Variants in PCDHA5 observed in about 807,000 individuals in gnomAD.
PCDHA5 encodes protocadherin alpha 5, also known as protocadherin alpha-5.
In PCDHA5, 43 loss-of-function variants were observed where a neutral mutation model predicts 61.6. That is an observed-to-expected ratio of 0.70 (90% CI 0.55 to 0.90). The LOEUF is 0.90. PCDHA5 is among the 40% of genes least tolerant of loss of function. PCDHA5 has a pLI of 0.00. For missense variants in PCDHA5, 1,298 were observed against 1,222.7 expected (o/e 1.06, Z -0.92); for synonymous variants, 627 against 543.9 (o/e 1.15, Z -2.13).
intron 1 of PCDHA5, chr5:140,834,431 G>C (rs2150217688): frequency 1.2e-6 from 2 of 1,611,242 alleles, no homozygotes; most frequent in Admixed American, 1.7e-5. Context: ...ATCTACTGCT[G>C]TTTATTATAA....
At position 140,895,904 on chromosome 5, in the gene PCDHA5, C is replaced by A. The variant is rs956599707; in HGVS notation, c.2352+71777C>A. Among the ~76,000 whole-genome samples, 7 of 152,138 alleles carry A rather than the reference C, an allele frequency of 4.6e-5. No homozygotes were observed. In the South Asian group the frequency reaches 1.5e-3, roughly 32 times the overall value. On this transcript the variant is annotated intron_variant, in intron 1 of 3. Transcript: ENST00000529859. ...TCGGCTCACTGCAACCTCCGCGTCC[C>A]GGGCTCAACAATTATCCTGCCTCAG...
intron 1 of PCDHA5, chr5:140,852,486 C>A: frequency 4.8e-6 from 1 of 209,724 alleles, no homozygotes; most frequent in Non-Finnish European, 9.1e-6. Flanking sequence ...TCATGTTGGC[C>A]AGGTTGGTCT....
intron 1 of PCDHA5, chr5:140,927,104 C>T (rs1554204027): frequency 6.2e-7 from 1 of 1,613,722 alleles, no homozygotes; most frequent in Admixed American, 1.7e-5. Flanking sequence ...GTGGATCTAC[C>T]CAGCGGCAAT....
At chr5:140,909,484 G>A (rs981292788) in intron 1 of PCDHA5, among the ~76,000 whole-genome samples, 1 of 152,180 alleles carries the variant, frequency 6.6e-6, no homozygotes, top group African/African-American at 2.4e-5. Context: ...CTAAATAGGA[G>A]AGCTGAACGG....
chr5:140,957,746 AG>A (rs1173855054), intron 1 of PCDHA5, among the ~76,000 whole-genome samples: 1 of 152,136 alleles, frequency 6.6e-6, no homozygotes, highest in Non-Finnish European at 1.5e-5. Flanking sequence ...CTGACATGAA[AG>A]GATGTTCATT....
intron 1 of PCDHA5, among the ~76,000 whole-genome samples, chr5:140,827,210 A>G (rs1178615911): frequency 1.3e-5 from 2 of 152,226 alleles, no homozygotes; most frequent in Non-Finnish European, 2.9e-5. Context: ...AGTGAGAACA[A>G]TTAAAGGAAA....
In PCDHA5 at chr5:141,009,754, C is replaced by A. The variant is rs200585286; in HGVS notation, c.2628C>A (p.Ile876=). 18 of 1,614,022 alleles carry A rather than the reference C, an allele frequency of 1.1e-5. No individual in the cohort carries two copies. Among genetic ancestry groups the A allele is most frequent in the Non-Finnish European group, 1.5e-5 (18 of 1,180,034 alleles). ...GTGAGTTGCCCGACAAATTCATTAT[C>A]CCAGGATCTCCTGCAATCATCTCCA... The part of the protein sequence containing the change: ...GPGELPDKFI[I]PGSPAIISIR... The change falls in exon 4 of 4, where the codon ATC becomes ATA. Residue 876 remains isoleucine, a synonymous_variant. Coordinates refer to ENST00000529859, the MANE Select transcript of PCDHA5 (RefSeq NM_018908.3).
Position 140,843,020 on chromosome 5 carries a change from G to A in PCDHA5, c.2352+18893G>A, listed in dbSNP as rs142550829. ...GAATGACAACGCGCCGGCACTGCTG[G>A]AGCCTCGGGTGGGTGGCACTGGTGG... On this transcript the variant is annotated intron_variant, in intron 1 of 3. Transcript: ENST00000529859. 14 of 1,595,174 alleles carry A rather than the reference G, an allele frequency of 8.8e-6. 2 individuals carry two copies. In the African/African-American group the frequency reaches 1.7e-4, roughly 20 times the overall value.
intron 3 of PCDHA5, among the ~76,000 whole-genome samples, chr5:141,004,893 C>A (rs1339074840): frequency 1.3e-5 from 2 of 152,154 alleles, no homozygotes; most frequent in African/African-American, 4.8e-5. Flanking sequence ...ATTGTGTCAG[C>A]TCTGCCAGGG....
chr5:140,979,870 A>G (rs376036380), intron 2 of PCDHA5, among the ~76,000 whole-genome samples: 2 of 152,388 alleles, frequency 1.3e-5, no homozygotes, highest in South Asian at 2.1e-4. Context: ...TATCTGGGCA[A>G]CTATCAAGTG....
intron 1 of PCDHA5, among the ~76,000 whole-genome samples, chr5:140,970,926 G>A (rs1179837731): frequency 6.6e-6 from 1 of 152,154 alleles, no homozygotes; most frequent in Non-Finnish European, 1.5e-5. Flanking sequence ...AGAAGTGCCT[G>A]GTGTTAGTCA....
intron 1 of PCDHA5, among the ~76,000 whole-genome samples, chr5:140,907,623 G>T (rs553186767): frequency 6.6e-6 from 1 of 152,352 alleles, no homozygotes; most frequent in East Asian, 1.9e-4. Context: ...AGGGCTCAGT[G>T]TTGGTCTCTG....
At chr5:140,882,806 T>G in intron 1 of PCDHA5, 2 of 1,614,218 alleles carry the variant, frequency 1.2e-6, no homozygotes, top group Non-Finnish European at 1.7e-6. Flanking sequence ...TTATTTCACT[T>G]TGGACGCACA....
At chr5:140,970,650 ATTG>A (rs2096422935) in intron 1 of PCDHA5, among the ~76,000 whole-genome samples, 1 of 152,200 alleles carries the variant, frequency 6.6e-6, no homozygotes, top group South Asian at 2.1e-4. Flanking sequence ...ATAGTGATGA[ATTG>A]TTATCTTTCC....
chr5:140,966,712 TG>T, intron 1 of PCDHA5: 1 of 1,392,090 alleles, frequency 7.2e-7, no homozygotes, highest in South Asian at 1.6e-5. Context: ...GGGGCACGGC[TG>T]GGGAAGCTGC....
intron 1 of PCDHA5, among the ~76,000 whole-genome samples, chr5:140,977,127 C>T (rs1197401904): frequency 6.6e-6 from 1 of 152,168 alleles, no homozygotes; most frequent in East Asian, 1.9e-4. Flanking sequence ...AACTGAGTTT[C>T]CTGGTCAGTC....
chr5:140,914,115 G>A (rs1287523867), intron 1 of PCDHA5, among the ~76,000 whole-genome samples: 1 of 152,168 alleles, frequency 6.6e-6, no homozygotes, highest in Non-Finnish European at 1.5e-5. Flanking sequence ...GATTAAGTCT[G>A]ATGTTTCTTT....
At chr5:140,843,537 T>C (rs2150362232) in intron 1 of PCDHA5, 5 of 1,595,784 alleles carry the variant, frequency 3.1e-6, no homozygotes, top group Non-Finnish European at 4.3e-6. Flanking sequence ...AAGCCCACTC[T>C]GGTGTGCTCC....
intron 2 of PCDHA5, 146 bp downstream of exon 2, chr5:140,979,153 G>A (rs2096837239): frequency 2.8e-6 from 4 of 1,434,028 alleles, no homozygotes; most frequent in Non-Finnish European, 2.7e-6. Context: ...TTGTCCCCAT[G>A]TTTATTCCTT....
Sources: gnomAD v4.1 joint callset for allele counts (sites outside exome capture counted in the v4.1 genomes callset) on GRCh38, gnomAD v4.1.1 for gene constraint, MANE v1.5 for transcripts, NCBI Gene and HGNC (gene_info 2026-07-23, HGNC 2026-07-21) for gene names.